ANK2: variants seen among roughly 807,000 people sequenced by gnomAD.
ANK2 encodes the protein ankyrin 2.
A neutral mutation model predicts 360.5 loss-of-function variants in ANK2; 83 were observed. That is an observed-to-expected ratio of 0.23 (90% CI 0.19 to 0.28). The LOEUF (loss-of-function observed/expected upper bound fraction) is 0.28, where lower values mean the gene tolerates loss of function less well. Among genes scored for constraint, ANK2 ranks in the 10% least tolerant of loss-of-function variants. ANK2 has a pLI of 1.00. For missense variants in ANK2, 4,201 were observed against 4,795.7 expected (o/e 0.88, Z 3.66); for synonymous variants, 1,740 against 1,759.5 (o/e 0.99, Z 0.28).
chr4:112,728,313 A>G, the ANK2 span, among the ~76,000 whole-genome samples: 4 of 150,572 alleles, frequency 2.7e-5, no homozygotes, highest in African/African-American at 9.7e-5. Context: ...AAAAAAAAAA[A>G]AAAAAAAGAA....
At chr4:113,330,142 AAG>A (rs1349389728) in intron 26 of ANK2, 102 bp from the exon 27 acceptor site, 7 of 1,143,422 alleles carry the variant, frequency 6.1e-6, no homozygotes, top group Admixed American at 4.1e-5. Context: ...TTAAATAAAA[AAG>A]AGAGATTTTG....
At chr4:113,236,138 A>T (rs1021158233) in intron 5 of ANK2, among the ~76,000 whole-genome samples, 1 of 151,316 alleles carries the variant, frequency 6.6e-6, no homozygotes, top group Non-Finnish European at 1.5e-5. Flanking sequence ...TGGATTAAGG[A>T]TGTTTTTTTT....
chr4:113,261,068 GC>G (rs1239672596), intron 13 of ANK2, among the ~76,000 whole-genome samples: 12 of 152,150 alleles, frequency 7.9e-5, no homozygotes, highest in African/African-American at 2.9e-4. Context: ...GAGAAGAGTG[GC>G]ATGAAATTTA....
intron 1 of ANK2, chr4:112,881,757 G>T: frequency 1.5e-6 from 1 of 658,886 alleles, no homozygotes; most frequent in Admixed American, 2.1e-5. Context: ...CCATCACTTC[G>T]ATTATTCAAA....
At chr4:112,998,903 C>T (rs1029582568) in intron 2 of ANK2, among the ~76,000 whole-genome samples, 4 of 152,088 alleles carry the variant, frequency 2.6e-5, no homozygotes, top group Non-Finnish European at 5.9e-5. Flanking sequence ...TCTGTATATA[C>T]TTCCTTTTGT....
chr4:112,786,393 A>AT, the ANK2 span, among the ~76,000 whole-genome samples: 5,356 of 134,464 alleles, frequency 0.04, 197 homozygotes, highest in East Asian at 0.1. Flanking sequence ...AACCACCAGA[A>AT]TTTTTTTTTT....
chr4:113,062,130 T>A (rs1580435850), intron 1 of ANK2, among the ~76,000 whole-genome samples: 2 of 152,118 alleles, frequency 1.3e-5, no homozygotes, highest in Admixed American at 1.3e-4. Flanking sequence ...GATTCTTGTC[T>A]AAAGCAGAAT....
intron 1 of ANK2, among the ~76,000 whole-genome samples, chr4:113,160,001 A>AATTT (rs1408786255): frequency 6.6e-6 from 1 of 152,090 alleles, no homozygotes; most frequent in Non-Finnish European, 1.5e-5. Context: ...TTCTGTATTT[A>AATTT]ATTTATTTAG....
chr4:113,078,070 A>G (rs1580927946), intron 1 of ANK2, among the ~76,000 whole-genome samples: 1 of 152,242 alleles, frequency 6.6e-6, no homozygotes, highest in Non-Finnish European at 1.5e-5. Context: ...TGTAAAGTAT[A>G]TAAGTGGTTT....
intron 2 of ANK2, among the ~76,000 whole-genome samples, chr4:113,040,937 G>T (rs879900465): frequency 6.6e-6 from 1 of 151,972 alleles, no homozygotes; most frequent in Non-Finnish European, 1.5e-5. Context: ...TGATGATGAG[G>T]TCTCTTTCTG....
chr4:112,941,193 TA>T (rs1393217669), intron 2 of ANK2, among the ~76,000 whole-genome samples: 1 of 151,320 alleles, frequency 6.6e-6, no homozygotes, highest in African/African-American at 2.4e-5. Flanking sequence ...AAAAGGATAT[TA>T]AAAAAGAACA....
chr4:112,747,120 A>C, the ANK2 span, among the ~76,000 whole-genome samples: 6 of 152,304 alleles, frequency 3.9e-5, no homozygotes, highest in Admixed American at 3.3e-4. Flanking sequence ...CTAACAGCAT[A>C]AGTCATAATG....
intron 14 of ANK2, among the ~76,000 whole-genome samples, chr4:113,266,568 A>G (rs986775686): frequency 1.3e-5 from 2 of 152,218 alleles, no homozygotes; most frequent in Non-Finnish European, 2.9e-5. Context: ...TTACACTCCC[A>G]CTAACAGTGT....
At chr4:113,132,225 T>C (rs1379339424) in intron 1 of ANK2, among the ~76,000 whole-genome samples, 1 of 152,204 alleles carries the variant, frequency 6.6e-6, no homozygotes, top group Non-Finnish European at 1.5e-5. Context: ...TATATGCACA[T>C]ATGTATATAT....
At chr4:113,334,159 G>A (rs895970535) in intron 29 of ANK2, among the ~76,000 whole-genome samples, 4 of 152,170 alleles carry the variant, frequency 2.6e-5, no homozygotes, top group Admixed American at 6.6e-5. Context: ...CCTGACCATC[G>A]CTTCTTTACC....
At chr4:112,857,314 C>T (rs544195330) in intron 1 of ANK2, among the ~76,000 whole-genome samples, 1 of 152,274 alleles carries the variant, frequency 6.6e-6, no homozygotes, top group South Asian at 2.1e-4. Context: ...TATTCTAAGA[C>T]TTGTTGAGCA....
chr4:113,342,699 C>CAA (rs746540707), intron 33 of ANK2, among the ~76,000 whole-genome samples: 4 of 101,378 alleles, frequency 3.9e-5, no homozygotes, highest in Non-Finnish European at 4.3e-5. Context: ...GACTCCGTCT[C>CAA]AAAAAAAAAA....
intron 2 of ANK2, among the ~76,000 whole-genome samples, chr4:113,026,608 T>C (rs1483085611): frequency 6.6e-6 from 1 of 152,180 alleles, no homozygotes; most frequent in East Asian, 1.9e-4. Context: ...GGAGCATTGG[T>C]AATTCTGAGG....
At chr4:112,867,533 ACT>A (rs1032886371) in intron 1 of ANK2, among the ~76,000 whole-genome samples, 14 of 151,670 alleles carry the variant, frequency 9.2e-5, no homozygotes, top group Non-Finnish European at 1.8e-4. Flanking sequence ...CTAAAAAGAA[ACT>A]CTGTTAGCAG....
Sources: allele counts gnomAD v4.1 joint callset (sites outside exome capture counted in the v4.1 genomes callset), GRCh38; gene constraint gnomAD v4.1.1; transcripts MANE v1.5; gene names NCBI Gene and HGNC (gene_info 2026-07-23, HGNC 2026-07-21).